The following COPA variants were observed in gnomAD, a reference collection of about 807,000 sequenced individuals.
COPA encodes the protein coat protein complex I subunit alpha, also known as coatomer subunit alpha.
COPA carries 10 observed loss-of-function variants against 158.7 expected under a neutral mutation model. The ratio of observed to expected loss-of-function variants is 0.06; its 90% CI spans 0.04 to 0.11. The LOEUF (loss-of-function observed/expected upper bound fraction) is 0.11. COPA is among the 10% of genes least tolerant of loss of function. COPA has a pLI of 1.00. For missense variants in COPA, 1,065 were observed against 1,536.7 expected, an observed-to-expected ratio of 0.69 and a Z score of 5.13; for synonymous variants, 462 against 542.8, an observed-to-expected ratio of 0.85 and a Z score of 2.07.
rs188296314 is a variant in COPA at position 160,341,383 on chromosome 1, G to A, written c.41-1089C>T. 3.4e-3 allele frequency among the ~76,000 whole-genome samples: 517 copies of A among 152,172 alleles called. 4 individuals are homozygous for A. Among genetic ancestry groups the A allele is most frequent in the African/African-American group, 0.012 (486 of 41,506 alleles). ...TAACCTCATTCTTTTTAACTACAAG[G>A]GACAAATGTACTACACTTATATTAT... On this transcript the variant is annotated intron_variant, in intron 1 of 32. Transcript: ENST00000241704.
At chr1:160,322,822 A>G (rs1179641710) in intron 8 of COPA, among the ~76,000 whole-genome samples, 4 of 152,230 alleles carry the variant, frequency 2.6e-5, no homozygotes, top group African/African-American at 9.6e-5. Context: ...CATATTATCC[A>G]GCAATTCCAC....
At chr1:160,327,975 T>G (rs896882250) in intron 6 of COPA, among the ~76,000 whole-genome samples, 8 of 152,188 alleles carry the variant, frequency 5.3e-5, no homozygotes, top group Non-Finnish European at 1.0e-4. Flanking sequence ...TTATAATATA[T>G]CTCTTCTGTT....
At chr1:160,312,341 A>G (rs1658995051) in intron 10 of COPA, among the ~76,000 whole-genome samples, 1 of 152,208 alleles carries the variant, frequency 6.6e-6, no homozygotes, top group Non-Finnish European at 1.5e-5. Flanking sequence ...CCACATTGTA[A>G]CATGAATTCC....
chr1:160,340,089 T>A, intron 2 of COPA, 92 bp downstream of exon 2: 1 of 1,490,794 alleles, frequency 6.7e-7, no homozygotes, highest in Non-Finnish European at 9.3e-7. Flanking sequence ...CATTCTTTAA[T>A]CATAGAGGAA....
chr1:160,300,116 G>A (rs1658548320), intron 17 of COPA, among the ~76,000 whole-genome samples: 1 of 151,994 alleles, frequency 6.6e-6, no homozygotes, highest in Non-Finnish European at 1.5e-5. Flanking sequence ...GAGGCGGGTA[G>A]ATCACATGAA....
chr1:160,328,514 A>T (rs759705542), intron 6 of COPA, among the ~76,000 whole-genome samples: 12 of 152,180 alleles, frequency 7.9e-5, no homozygotes, highest in South Asian at 2.1e-4. Flanking sequence ...ATCCAGAGGG[A>T]GGAGAGGACA....
At chr1:160,313,843 C>T in intron 9 of COPA, 147 bp downstream of exon 9, 1 of 639,114 alleles carries the variant, frequency 1.6e-6, no homozygotes, top group Non-Finnish European at 2.3e-6. Context: ...TAAATGTTGA[C>T]TGATCTCTAG....
intron 8 of COPA, among the ~76,000 whole-genome samples, chr1:160,315,799 A>G (rs1571167241): frequency 6.6e-6 from 1 of 152,350 alleles, no homozygotes; most frequent in African/African-American, 2.4e-5. Context: ...ACTGACCCTA[A>G]AATGACAGCA....
At chr1:160,326,039 C>T (rs4656896) in intron 6 of COPA, 8,179 of 170,680 alleles carry the variant, frequency 0.048, 378 homozygotes, top group African/African-American at 0.11. Flanking sequence ...TCAATTTCTA[C>T]TCTCAACTTC....
intron 14 of COPA, 147 bp downstream of exon 14, chr1:160,307,016 G>A (rs1352332927): frequency 5.2e-6 from 4 of 776,358 alleles, no homozygotes; most frequent in Non-Finnish European, 8.9e-6. Flanking sequence ...AGGGCTTAGT[G>A]TAGGGCTAGA....
chr1:160,341,255 C>T (rs1317094147), intron 1 of COPA, among the ~76,000 whole-genome samples: 2 of 152,176 alleles, frequency 1.3e-5, no homozygotes, highest in Non-Finnish European at 1.5e-5. Flanking sequence ...TAGACATAGG[C>T]TTTAGTATTT....
chr1:160,307,695 A>C (rs1234453077), intron 13 of COPA, among the ~76,000 whole-genome samples: 4 of 152,210 alleles, frequency 2.6e-5, no homozygotes, highest in African/African-American at 9.6e-5. Flanking sequence ...AGCACTCCCA[A>C]CTAAATCTTG....
intron 23 of COPA, 110 bp from the exon 24 acceptor site, chr1:160,294,967 C>A: frequency 3.8e-6 from 3 of 781,166 alleles, no homozygotes; most frequent in South Asian, 3.4e-5. Context: ...AAGCTTCTGC[C>A]TACTTACTAT....
chr1:160,318,478 A>AAC (rs1659222715), intron 8 of COPA, among the ~76,000 whole-genome samples: 1 of 75,996 alleles, frequency 1.3e-5, no homozygotes, highest in Non-Finnish European at 2.3e-5. Context: ...TAAAAAAAAA[A>AAC]AAAAAAAAAA....
At chr1:160,330,126 C>T (rs937568471) in intron 6 of COPA, among the ~76,000 whole-genome samples, 2 of 151,864 alleles carry the variant, frequency 1.3e-5, no homozygotes, top group South Asian at 4.2e-4. Flanking sequence ...CGCCACCCCC[C>T]CCAAAAAAAA....
At chr1:160,336,095 CAG>C (rs1647747425) in intron 3 of COPA, among the ~76,000 whole-genome samples, 1 of 149,878 alleles carries the variant, frequency 6.7e-6, no homozygotes, top group Non-Finnish European at 1.5e-5. Context: ...CCTGTAATCC[CAG>C]CACTTTGGGA....
intron 8 of COPA, among the ~76,000 whole-genome samples, chr1:160,315,243 GC>G (rs1157969734): frequency 6.6e-6 from 1 of 152,162 alleles, no homozygotes; most frequent in Non-Finnish European, 1.5e-5. Flanking sequence ...CTTCCTGGGT[GC>G]CCTGGCAGGA....
rs1427162719 is a variant in COPA, at chr1:160,310,270, T to C, written c.1077-12A>G. On this transcript the variant is annotated splice_polypyrimidine_tract_variant and intron_variant, in intron 11 of 32. Transcript: ENST00000241704. ...GAAACTTGGAACCACTAGAGATATATATAGAAAAAGGAGAAAACAGGGAAG... is the reference window on the plus strand; with the variant it reads ...GAAACTTGGAACCACTAGAGATATACATAGAAAAAGGAGAAAACAGGGAAG... 4 of 1,561,404 alleles carry C rather than the reference T, an allele frequency of 2.6e-6. No individual in the cohort carries two copies. Among genetic ancestry groups the C allele is most frequent in the Non-Finnish European group, 3.5e-6 (4 of 1,147,534 alleles).
chr1:160,311,087 C>T (rs899210559), intron 11 of COPA, among the ~76,000 whole-genome samples: 6 of 152,072 alleles, frequency 3.9e-5, no homozygotes, highest in Admixed American at 6.6e-5. Flanking sequence ...TTAAACTGAG[C>T]GGGCTCATCT....
Sources: gnomAD v4.1 joint callset for allele counts (sites outside exome capture counted in the v4.1 genomes callset) on GRCh38, gnomAD v4.1.1 for gene constraint, MANE v1.5 for transcripts, NCBI Gene and HGNC (gene_info 2026-07-23, HGNC 2026-07-21) for gene names.